The following CPED1 variants were observed in gnomAD, a reference collection of about 807,000 sequenced individuals.
CPED1 encodes cadherin like and PC-esterase domain containing 1.
In CPED1, 114 loss-of-function variants were observed where a neutral mutation model predicts 128.2. That is an observed-to-expected ratio of 0.89 (90% confidence interval 0.76 to 1.04). CPED1 has a LOEUF of 1.04. Ranked by LOEUF, CPED1 falls within the 50% of genes least tolerant of loss-of-function variation. CPED1 has a pLI of 0.00. For missense variants in CPED1, 1,211 were observed against 1,207.1 expected, an observed-to-expected ratio of 1.00 and a Z score of -0.05; for synonymous variants, 462 against 426.7, an observed-to-expected ratio of 1.08 and a Z score of -1.02.
At chr7:121,067,126 T>A (rs552334793) in intron 5 of CPED1, among the ~76,000 whole-genome samples, 43 of 152,104 alleles carry the variant, frequency 2.8e-4, no homozygotes, top group Non-Finnish European at 3.5e-4. Context: ...TCTTTTTTTT[T>A]TATATACTTT....
At chr7:121,170,488 C>G (rs1271049915) in intron 16 of CPED1, among the ~76,000 whole-genome samples, 8 of 151,954 alleles carry the variant, frequency 5.3e-5, no homozygotes, top group Non-Finnish European at 1.2e-4. Flanking sequence ...AATGAACTTA[C>G]TAGTAATAGA....
chr7:121,229,297 A>G (rs1798085401), intron 16 of CPED1, among the ~76,000 whole-genome samples: 1 of 152,094 alleles, frequency 6.6e-6, no homozygotes, highest in Admixed American at 6.6e-5. Context: ...TTATAGCCTA[A>G]ATAGCATAAA....
intron 22 of CPED1, among the ~76,000 whole-genome samples, chr7:121,295,137 GAA>G (rs35481065): frequency 1.3e-5 from 1 of 76,032 alleles, no homozygotes; most frequent in Non-Finnish European, 2.6e-5. Context: ...TGCCTGGCCT[GAA>G]AACACACACA....
At chr7:121,152,823 A>T (rs1170934977) in intron 16 of CPED1, among the ~76,000 whole-genome samples, 1 of 152,210 alleles carries the variant, frequency 6.6e-6, no homozygotes, top group Non-Finnish European at 1.5e-5. Flanking sequence ...AAAAATATGA[A>T]GGACTTTGTA....
intron 6 of CPED1, among the ~76,000 whole-genome samples, chr7:121,099,377 T>A (rs769068045): frequency 6.6e-5 from 10 of 152,150 alleles, no homozygotes; most frequent in African/African-American, 2.2e-4. Flanking sequence ...TTAATTAATT[T>A]ATTTATTTGA....
intron 5 of CPED1, among the ~76,000 whole-genome samples, chr7:121,073,152 T>C (rs1400677618): frequency 1.3e-5 from 2 of 152,206 alleles, no homozygotes; most frequent in Admixed American, 1.3e-4. Flanking sequence ...AATTAACACA[T>C]ACTTTGTATG....
At chr7:121,260,705 GACAAT>G (rs71170239) in intron 18 of CPED1, among the ~76,000 whole-genome samples, 44,610 of 151,640 alleles carry the variant, frequency 0.29, 6,963 homozygotes, top group Middle Eastern at 0.44. Context: ...TGGATTCATG[GACAAT>G]TAGCTCTTAC....
At chr7:121,202,245 A>G (rs987189479) in intron 16 of CPED1, among the ~76,000 whole-genome samples, 2 of 152,150 alleles carry the variant, frequency 1.3e-5, no homozygotes, top group Admixed American at 6.6e-5. Context: ...GCTGGTTTAC[A>G]CTTGGCTACT....
intron 3 of CPED1, among the ~76,000 whole-genome samples, chr7:121,037,657 T>G (rs1477637308): frequency 6.6e-6 from 1 of 152,148 alleles, no homozygotes; most frequent in Non-Finnish European, 1.5e-5. Context: ...GGATTATTTT[T>G]TCTAGTTCTG....
At chr7:121,031,940 T>C (rs1168398582) in intron 3 of CPED1, among the ~76,000 whole-genome samples, 1 of 152,150 alleles carries the variant, frequency 6.6e-6, no homozygotes, top group Middle Eastern at 3.2e-3. Flanking sequence ...AAATATAGTG[T>C]ATTACTTTAT....
chr7:121,142,731 T>C (rs1445342521), intron 16 of CPED1, among the ~76,000 whole-genome samples: 1 of 152,070 alleles, frequency 6.6e-6, no homozygotes, highest in Non-Finnish European at 1.5e-5. Flanking sequence ...ACTTTTGTTC[T>C]ACGGTTTTTC....
At chr7:121,095,249 G>A (rs1451649132) in intron 5 of CPED1, among the ~76,000 whole-genome samples, 1 of 152,112 alleles carries the variant, frequency 6.6e-6, no homozygotes, top group Admixed American at 6.6e-5. Flanking sequence ...GATTAGACTG[G>A]ACTGTTGAGA....
At chr7:121,236,928 G>T in intron 17 of CPED1, 97 bp downstream of exon 17, 6 of 537,068 alleles carry the variant, frequency 1.1e-5, no homozygotes, top group South Asian at 4.0e-5. Flanking sequence ...AAAAAACAAG[G>T]GCATTACTTT....
At chr7:121,051,970 G>A (rs1256916769) in intron 4 of CPED1, 1 of 151,710 alleles carries the variant, frequency 6.6e-6, no homozygotes, top group Non-Finnish European at 1.5e-5. Context: ...TGTCTGTACT[G>A]ATCCACATCC....
Position 121,100,055 on chromosome 7 carries a change from A to G in CPED1, c.879A>G (p.Thr293=), listed in dbSNP as rs113695658. ...GTGCATTCATTCATTCGACGGGCACAGTTTGGAATCCACCAAAGAAAAAAC... is the reference window on the plus strand; with the variant it reads ...GTGCATTCATTCATTCGACGGGCACGGTTTGGAATCCACCAAAGAAAAAAC... ...PLRAFIHSTG[T]VWNPPKKKRF... is the part of the protein sequence containing the mutation. The change falls in exon 7 of 23, where the codon ACA becomes ACG. Residue 293 remains threonine (T), a synonymous_variant. Coordinates refer to ENST00000310396, the MANE Select transcript of CPED1 (RefSeq NM_024913.5). The G allele has an allele frequency of 1.4e-3, 2,252 of 1,613,648 alleles. 24 individuals are homozygous for G. The African/African-American group carries it at 0.022, about 16-fold the overall frequency.
rs1792774651 is a variant in CPED1, at chr7:121,294,280, G to T, written c.2869-1160G>T. The stretch of plus-strand genomic sequence containing the variant: ...TCACAAGAAATGAACCATATATTTG[G>T]GGAGGAAATTTAGTAGCTTGGGGTG... On this transcript the variant is annotated intron_variant, in intron 22 of 22. Transcript: ENST00000310396. 5.3e-5 allele frequency among the ~76,000 whole-genome samples: 8 copies of T among 152,140 alleles called. No individual in the cohort carries two copies. In the South Asian group the frequency reaches 1.7e-3, roughly 32 times the overall value.
intron 4 of CPED1, among the ~76,000 whole-genome samples, chr7:121,060,332 C>T (rs1793625898): frequency 1.3e-5 from 2 of 152,240 alleles, no homozygotes; most frequent in Admixed American, 6.5e-5. Flanking sequence ...GCGCACGGCG[C>T]GGGACTGGCA....
At chr7:121,271,606 C>T (rs1271759602) in intron 22 of CPED1, among the ~76,000 whole-genome samples, 176 bp downstream of exon 22, 1 of 152,122 alleles carries the variant, frequency 6.6e-6, no homozygotes, top group Admixed American at 6.6e-5. Context: ...ACAACTTTAG[C>T]TCTACCAAAT....
chr7:121,093,038 CT>C (rs2116194067), intron 5 of CPED1, among the ~76,000 whole-genome samples: 1 of 152,192 alleles, frequency 6.6e-6, no homozygotes, highest in African/African-American at 2.4e-5. Flanking sequence ...GATTTTTGTT[CT>C]CTTCTAGCAA....
Sources: allele counts gnomAD v4.1 joint callset (sites outside exome capture counted in the v4.1 genomes callset), GRCh38; gene constraint gnomAD v4.1.1; transcripts MANE v1.5; gene names NCBI Gene and HGNC (gene_info 2026-07-23, HGNC 2026-07-21).